The following CSMD1 variants were observed in gnomAD, a reference collection of about 807,000 sequenced individuals.
The protein encoded by CSMD1 is CUB and Sushi multiple domains 1.
In CSMD1, 213 loss-of-function variants were observed where a neutral mutation model predicts 417.5. The ratio of observed to expected loss-of-function variants is 0.51; its 90% confidence interval spans 0.46 to 0.57. The LOEUF (loss-of-function observed/expected upper bound fraction) is 0.57, where lower values mean the gene tolerates loss of function less well. Among genes scored for constraint, CSMD1 ranks in the 20% least tolerant of loss-of-function variants. The probability of loss-of-function intolerance (pLI) is 0.00; values close to 1 mark genes in which losing one functional copy is unlikely to be tolerated. For missense variants in CSMD1, 6,923 were observed against 4,529.7 expected (o/e 1.53, Z -15.17); for synonymous variants, 2,862 against 1,736.8 (o/e 1.65, Z -16.11).
At chr8:3,201,515 C>G (rs1323994543) in intron 32 of CSMD1, 97 bp downstream of exon 32, 6 of 557,270 alleles carry the variant, frequency 1.1e-5, no homozygotes, top group African/African-American at 1.9e-5. Flanking sequence ...GATTACATTT[C>G]TCATTCATCA....
At chr8:4,227,775 A>C (rs1801447270) in intron 3 of CSMD1, among the ~76,000 whole-genome samples, 2 of 150,380 alleles carry the variant, frequency 1.3e-5, no homozygotes. Context: ...TCAATCCCAA[A>C]CCAGGAGACA....
In CSMD1 at chr8:3,108,700, G is replaced by A. The variant is rs951972732; in HGVS notation, c.6657C>T (p.Asn2219=). 1.2e-5 allele frequency: 20 copies of A among 1,613,676 alleles called. No individual in the cohort carries two copies. The highest frequency in any genetic ancestry group is 1.7e-5 in the Non-Finnish European group (20 of 1,179,762). The change falls in exon 44 of 70, where the codon AAC becomes AAT. Residue 2219 remains asparagine, a synonymous_variant. Transcript: ENST00000635120. The part of the protein sequence containing the change: ...NSPQLGVFSG[N]TALETAYSST... ...AGCTATACGCCGTTTCGAGGGCTGTGTTGCCACTGAAAACTCCCAGCTGGG... is the reference window on the plus strand; with the variant it reads ...AGCTATACGCCGTTTCGAGGGCTGTATTGCCACTGAAAACTCCCAGCTGGG...
intron 7 of CSMD1, among the ~76,000 whole-genome samples, chr8:3,700,074 A>G (rs900219): frequency 6.6e-6 from 1 of 152,074 alleles, no homozygotes; most frequent in African/African-American, 2.4e-5. Flanking sequence ...TGTCCTCATA[A>G]GAATGATACA....
chr8:4,079,710 A>C (rs1050641488), intron 3 of CSMD1, among the ~76,000 whole-genome samples: 41 of 152,316 alleles, frequency 2.7e-4, no homozygotes, highest in Middle Eastern at 3.4e-3. Flanking sequence ...CTTTCTTTCC[A>C]TAGTATGAAT....
intron 3 of CSMD1, among the ~76,000 whole-genome samples, chr8:4,414,041 G>C (rs1359251771): frequency 1.3e-5 from 2 of 151,950 alleles, no homozygotes; most frequent in South Asian, 2.1e-4. Flanking sequence ...TCTTGAAAAG[G>C]AAACATTTCT....
intron 3 of CSMD1, among the ~76,000 whole-genome samples, chr8:4,187,207 T>A (rs1255060270): frequency 6.6e-6 from 1 of 152,182 alleles, no homozygotes; most frequent in Non-Finnish European, 1.5e-5. Context: ...TGTTGGATTC[T>A]GTTCAGAGAA....
At chr8:4,240,376 T>G (rs1436832662) in intron 3 of CSMD1, among the ~76,000 whole-genome samples, 2 of 152,212 alleles carry the variant, frequency 1.3e-5, no homozygotes, top group Non-Finnish European at 2.9e-5. Flanking sequence ...CTATGCCCCA[T>G]TTTGCAGGCA....
chr8:4,363,476 C>G (rs986294768), intron 3 of CSMD1, among the ~76,000 whole-genome samples: 1 of 152,174 alleles, frequency 6.6e-6, no homozygotes, highest in Non-Finnish European at 1.5e-5. Context: ...CCCACCACCC[C>G]CTCTCTGGAG....
chr8:3,150,415 C>A (rs530019822), intron 40 of CSMD1, among the ~76,000 whole-genome samples: 36 of 152,276 alleles, frequency 2.4e-4, no homozygotes, highest in Middle Eastern at 3.4e-3. Flanking sequence ...CCTGTCGGGC[C>A]GTCATTCCGA....
chr8:4,593,659 T>C (rs930788206), intron 2 of CSMD1, among the ~76,000 whole-genome samples: 1 of 152,186 alleles, frequency 6.6e-6, no homozygotes, highest in Non-Finnish European at 1.5e-5. Flanking sequence ...GAAAAGACCT[T>C]AGTTTAAAAT....
chr8:4,441,155 G>C (rs934236203), intron 2 of CSMD1, among the ~76,000 whole-genome samples: 1 of 109,954 alleles, frequency 9.1e-6, no homozygotes, highest in Non-Finnish European at 1.7e-5. Flanking sequence ...CTAGAGTGCA[G>C]TGGTACAACC....
Position 4,600,492 on chromosome 8 carries a change from CTAAA to C in CSMD1, c.302+36846_302+36849del, listed in dbSNP as rs372879442. 2.3e-3 allele frequency among the ~76,000 whole-genome samples: 354 copies of C among 152,252 alleles called. 3 individuals carry two copies. The highest frequency in any genetic ancestry group is 8.2e-3 in the African/African-American group (340 of 41,532). Reference sequence around the variant, plus strand: ...GAAGTCTGTTTACAGATATAATAGGCTAAATAAATATATACATCTGTTTTTGTAT... The same window carrying C: ...GAAGTCTGTTTACAGATATAATAGGCTAAATATATACATCTGTTTTTGTAT... On this transcript the variant is annotated intron_variant, in intron 2 of 69. Coordinates refer to ENST00000635120, the MANE Select transcript of CSMD1 (RefSeq NM_033225.6).
intron 12 of CSMD1, among the ~76,000 whole-genome samples, chr8:3,464,130 T>C: frequency 6.6e-6 from 1 of 152,182 alleles, no homozygotes; most frequent in Non-Finnish European, 1.5e-5. Context: ...TGCTGGAATG[T>C]AAATAGCTAC....
chr8:3,734,706 G>C (rs1038383282), intron 6 of CSMD1, among the ~76,000 whole-genome samples: 3 of 152,112 alleles, frequency 2.0e-5, no homozygotes, highest in Admixed American at 1.3e-4. Context: ...GTGAGATTTT[G>C]TCTCAAAAAA....
intron 23 of CSMD1, among the ~76,000 whole-genome samples, chr8:3,322,246 C>T (rs1336737763): frequency 6.6e-6 from 1 of 152,154 alleles, no homozygotes; most frequent in Non-Finnish European, 1.5e-5. Flanking sequence ...GGAACATTTT[C>T]CTTCACCTCC....
At chr8:3,670,538 A>C (rs906149457) in intron 7 of CSMD1, among the ~76,000 whole-genome samples, 60 of 144,302 alleles carry the variant, frequency 4.2e-4, no homozygotes, top group Middle Eastern at 3.5e-3. Flanking sequence ...TATATCCCAT[A>C]TACATATATC....
At chr8:3,505,546 T>A (rs565120078) in intron 10 of CSMD1, among the ~76,000 whole-genome samples, 1 of 152,172 alleles carries the variant, frequency 6.6e-6, no homozygotes, top group African/African-American at 2.4e-5. Flanking sequence ...ATAATAGGAA[T>A]ACGTCACCTC....
At chr8:3,364,305 C>G (rs1189091120) in intron 20 of CSMD1, among the ~76,000 whole-genome samples, 2 of 152,116 alleles carry the variant, frequency 1.3e-5, no homozygotes, top group Non-Finnish European at 2.9e-5. Context: ...AAAGTGTTGT[C>G]TTTTGTTTTT....
intron 5 of CSMD1, among the ~76,000 whole-genome samples, chr8:3,868,456 G>C (rs905867146): frequency 6.6e-6 from 1 of 152,080 alleles, no homozygotes; most frequent in African/African-American, 2.4e-5. Flanking sequence ...CATGCCACCT[G>C]CATCAGCCAA....
Sources: allele counts gnomAD v4.1 joint callset (sites outside exome capture counted in the v4.1 genomes callset), GRCh38; gene constraint gnomAD v4.1.1; transcripts MANE v1.5; gene names NCBI Gene and HGNC (gene_info 2026-07-23, HGNC 2026-07-21).